TMEM132D: variants seen among roughly 807,000 people sequenced by gnomAD.
TMEM132D encodes the protein transmembrane protein 132D, also known as mature OL transmembrane protein.
TMEM132D carries 21 observed loss-of-function variants against 62.3 expected under a neutral mutation model. That is an observed-to-expected ratio of 0.34 (90% CI 0.24 to 0.49). TMEM132D has a LOEUF of 0.49. Ranked by LOEUF, TMEM132D falls within the 20% of genes least tolerant of loss-of-function variation. The pLI is 0.99. For missense variants in TMEM132D, 1,346 were observed against 1,402.8 expected, an observed-to-expected ratio of 0.96 and a Z score of 0.65; for synonymous variants, 621 against 575.6, an observed-to-expected ratio of 1.08 and a Z score of -1.13.
At chr12:129,818,288 T>TAG (rs1872427500) in intron 1 of TMEM132D, among the ~76,000 whole-genome samples, 1 of 146,398 alleles carries the variant, frequency 6.8e-6, no homozygotes, top group African/African-American at 2.5e-5. Context: ...GTGTGCGGTG[T>TAG]GGGGTGTGTG....
intron 5 of TMEM132D, among the ~76,000 whole-genome samples, chr12:129,207,869 G>A (rs1024195527): frequency 2.0e-5 from 3 of 152,162 alleles, no homozygotes; most frequent in African/African-American, 7.2e-5. Flanking sequence ...GTGTAACTGA[G>A]ATAGCCTCCA....
At chr12:129,124,947 AT>A (rs1344319174) in intron 5 of TMEM132D, among the ~76,000 whole-genome samples, 1 of 152,128 alleles carries the variant, frequency 6.6e-6, no homozygotes, top group Non-Finnish European at 1.5e-5. Context: ...ATGTAATTAC[AT>A]TTCCCCACCT....
chr12:129,083,380 G>A (rs763715982), intron 6 of TMEM132D, among the ~76,000 whole-genome samples: 1 of 152,226 alleles, frequency 6.6e-6, no homozygotes, highest in African/African-American at 2.4e-5. Context: ...GAACCAGGCA[G>A]CTGTGACAGC....
rs139906026 is a variant in TMEM132D, at chr12:129,230,913, C to T, written c.1300-21250G>A. 7.3e-3 allele frequency among the ~76,000 whole-genome samples: 1,109 copies of T among 152,306 alleles called. 13 individuals are homozygous for T. Among genetic ancestry groups the T allele is most frequent in the African/African-American group, 0.025 (1,020 of 41,558 alleles). Reference sequence around the variant, plus strand: ...ATGAGATCATTGGGTTAGCACTGTGCTCAATGTACTGCAAACCTGCCAGCC... The same window carrying T: ...ATGAGATCATTGGGTTAGCACTGTGTTCAATGTACTGCAAACCTGCCAGCC... On this transcript the variant is annotated intron_variant, in intron 4 of 8. Coordinates refer to ENST00000422113, the MANE Select transcript of TMEM132D (RefSeq NM_133448.3).
Position 129,700,393 on chromosome 12 carries a change from G to T in TMEM132D, c.385C>A (p.Leu129Ile). 6.2e-7 allele frequency: 1 copy of T among 1,614,162 alleles called. No individual in the cohort carries two copies. Among genetic ancestry groups the T allele is most frequent in the Non-Finnish European group, 8.5e-7 (1 of 1,180,038 alleles). Reference protein sequence around the residue: ...FTNKFSLNWKLKAHILRDKVY... With the variant: ...FTNKFSLNWKIKAHILRDKVY... The stretch of plus-strand genomic sequence containing the variant: ...TTGTCCCGCAGGATGTGGGCTTTTA[G>T]TTTCCAGTTAAGAGAAAATTTGTTG... Residue 129 changes from leucine to isoleucine, a missense_variant, in exon 2 of 9, where the codon CTA (leucine) becomes ATA (isoleucine). Transcript: ENST00000422113.
At position 129,303,723 on chromosome 12, in the gene TMEM132D, A is replaced by G. The variant is rs143680828; in HGVS notation, c.1299+33911T>C. Among the ~76,000 whole-genome samples the G allele has an allele frequency of 6.6e-5, 10 of 150,730 alleles. No individual in the cohort carries two copies. The East Asian group carries it at 1.8e-3, about 27-fold the overall frequency. ...TTTGTTATGGAAATTGGCTCATATG[A>G]TTATGGAGGCTGAGAAGTCCCATGA... On this transcript the variant is annotated intron_variant, in intron 4 of 8. Transcript: ENST00000422113.
chr12:129,896,193 C>T (rs893324700), intron 1 of TMEM132D, among the ~76,000 whole-genome samples: 1 of 151,812 alleles, frequency 6.6e-6, no homozygotes, highest in Non-Finnish European at 1.5e-5. Context: ...CTTTGTTGCC[C>T]AGGCTGGTCT....
chr12:129,119,277 G>T (rs1283744425), intron 5 of TMEM132D, among the ~76,000 whole-genome samples: 1 of 152,160 alleles, frequency 6.6e-6, no homozygotes, highest in African/African-American at 2.4e-5. Flanking sequence ...TGCTATTAGT[G>T]CACATATCAC....
At chr12:129,688,557 C>T (rs1396013547) in intron 2 of TMEM132D, among the ~76,000 whole-genome samples, 1 of 152,052 alleles carries the variant, frequency 6.6e-6, no homozygotes, top group Non-Finnish European at 1.5e-5. Flanking sequence ...GGCCTTGAAA[C>T]CCACACCACT....
chr12:129,117,452 G>T (rs185507095), intron 5 of TMEM132D, among the ~76,000 whole-genome samples: 3 of 152,292 alleles, frequency 2.0e-5, no homozygotes, highest in Admixed American at 2.0e-4. Flanking sequence ...GTTCAGGTCT[G>T]CCCCAAAAGC....
intron 4 of TMEM132D, chr12:129,210,213 G>A (rs1370879439): frequency 6.5e-6 from 1 of 153,938 alleles, no homozygotes. Context: ...ATGGCCAGAG[G>A]GGCCTGGTGT....
intron 2 of TMEM132D, among the ~76,000 whole-genome samples, chr12:129,573,446 C>T (rs1877574742): frequency 6.6e-6 from 1 of 152,200 alleles, no homozygotes; most frequent in Non-Finnish European, 1.5e-5. Context: ...CCATGCATCT[C>T]ACTCAGGGTG....
At chr12:129,900,338 GGCCAGAA>G (rs777040694) in intron 1 of TMEM132D, among the ~76,000 whole-genome samples, 1 of 152,060 alleles carries the variant, frequency 6.6e-6, no homozygotes, top group Non-Finnish European at 1.5e-5. Context: ...TATTATTAGA[GGCCAGAA>G]GCTCTACATA....
intron 1 of TMEM132D, among the ~76,000 whole-genome samples, chr12:129,821,676 CA>C (rs34097861): frequency 0.074 from 11,237 of 152,230 alleles, 652 homozygotes; most frequent in East Asian, 0.33. Context: ...TCACAGAGCC[CA>C]TTTTGGACAG....
chr12:129,348,361 A>T (rs915889118), intron 3 of TMEM132D, among the ~76,000 whole-genome samples: 1 of 152,254 alleles, frequency 6.6e-6, no homozygotes, highest in African/African-American at 2.4e-5. Context: ...TACACCATGG[A>T]ATACTATGCA....
At chr12:129,894,090 C>T (rs1046973471) in intron 1 of TMEM132D, among the ~76,000 whole-genome samples, 42 of 152,244 alleles carry the variant, frequency 2.8e-4, no homozygotes, top group African/African-American at 9.9e-4. Context: ...AAAAGAGACA[C>T]ATCCAAGACT....
chr12:129,772,461 T>C (rs184757467), intron 1 of TMEM132D, among the ~76,000 whole-genome samples: 229 of 152,300 alleles, frequency 1.5e-3, no homozygotes, highest in African/African-American at 4.5e-3. Flanking sequence ...AAAGTAAATG[T>C]GTATTTCCAT....
intron 3 of TMEM132D, among the ~76,000 whole-genome samples, chr12:129,484,250 G>GAGTCACCGCA (rs931593841): frequency 2.0e-5 from 3 of 152,132 alleles, no homozygotes; most frequent in African/African-American, 4.8e-5. Context: ...GAGTCAACGT[G>GAGTCACCGCA]AGTCACCGCA....
At chr12:129,707,142 C>T in intron 1 of TMEM132D, among the ~76,000 whole-genome samples, 1 of 147,206 alleles carries the variant, frequency 6.8e-6, no homozygotes. Context: ...AGAGGTGTTG[C>T]ATTAGGAAAA....
Sources: gnomAD v4.1 joint callset for allele counts (sites outside exome capture counted in the v4.1 genomes callset) on GRCh38, gnomAD v4.1.1 for gene constraint, MANE v1.5 for transcripts, NCBI Gene and HGNC (gene_info 2026-07-23, HGNC 2026-07-21) for gene names.